Variants in DPP6 observed in about 807,000 individuals in gnomAD.
DPP6 encodes the protein dipeptidyl peptidase like 6.
A neutral mutation model predicts 122.6 loss-of-function variants in DPP6; 69 were observed. That is an observed-to-expected ratio of 0.56 (90% CI 0.46 to 0.69). The LOEUF (loss-of-function observed/expected upper bound fraction) is 0.69. Among genes scored for constraint, DPP6 ranks in the 30% least tolerant of loss-of-function variants. The pLI, the probability that DPP6 is intolerant of heterozygous loss-of-function variation, is 0.00. For missense variants in DPP6, 928 were observed against 1,116.9 expected, an observed-to-expected ratio of 0.83 and a Z score of 2.41; for synonymous variants, 418 against 433.1, an observed-to-expected ratio of 0.97 and a Z score of 0.43.
intron 20 of DPP6, among the ~76,000 whole-genome samples, chr7:154,876,537 C>T (rs1174835544): frequency 6.6e-6 from 1 of 152,190 alleles, no homozygotes. Context: ...TTACTGAGAG[C>T]AGGACCTCCA....
intron 7 of DPP6, among the ~76,000 whole-genome samples, chr7:154,710,462 C>G (rs1841111588): frequency 6.6e-6 from 1 of 152,240 alleles, no homozygotes; most frequent in Non-Finnish European, 1.5e-5. Context: ...TTTCTTCAAT[C>G]TTTCAGACAC....
chr7:153,790,389 T>C, the DPP6 span, among the ~76,000 whole-genome samples: 310 of 152,286 alleles, frequency 2.0e-3, 3 homozygotes, highest in African/African-American at 7.0e-3. Context: ...TTGTGCTATA[T>C]AATTATTAAA....
Position 154,892,541 on chromosome 7 carries a change from TC to T in DPP6, c.*64del. 1 of 1,343,864 alleles carries T rather than the reference TC, an allele frequency of 7.4e-7. No individual in the cohort carries two copies. The highest frequency in any genetic ancestry group is 1.9e-5 in the Admixed American group (1 of 52,898). The allele number at this position is 1,343,864 out of a possible 1,614,324, so 83.2% of individuals were successfully genotyped here. ...TACAACCAGATGCAACCGAGGGATT[TC>T]CCTGCCCTCCCTCTTCCCTCGGAGG... On this transcript the variant is annotated 3_prime_UTR_variant, in exon 26 of 26. Coordinates refer to ENST00000377770, the MANE Select transcript of DPP6 (RefSeq NM_130797.4).
At chr7:154,121,015 C>T (rs1294470674) in intron 1 of DPP6, among the ~76,000 whole-genome samples, 2 of 152,132 alleles carry the variant, frequency 1.3e-5, no homozygotes, top group Non-Finnish European at 2.9e-5. Context: ...GCAATGAGTT[C>T]TCAGGAGATC....
At position 154,794,207 on chromosome 7, in the gene DPP6, G is replaced by C; in HGVS notation, c.1260+5G>C. 1 of 1,604,242 alleles carries C rather than the reference G, an allele frequency of 6.2e-7. No homozygotes were observed. The highest frequency in any genetic ancestry group is 8.5e-7 in the Non-Finnish European group (1 of 1,174,462). ...ACCACGGGGGTCTGCACGAAGGTAC[G>C]CGGGGCTGTGGGGGTGGAGGGGAGA... On this transcript the variant is annotated splice_donor_5th_base_variant and intron_variant, in intron 11 of 25. Transcript: ENST00000377770.
At chr7:154,736,274 G>A (rs1469939838) in intron 8 of DPP6, among the ~76,000 whole-genome samples, 1 of 152,208 alleles carries the variant, frequency 6.6e-6, no homozygotes. Context: ...AACTGTTTCT[G>A]TAAATGGCTA....
chr7:154,587,664 G>A (rs1479252959), intron 5 of DPP6: 2 of 1,548,246 alleles, frequency 1.3e-6, no homozygotes, highest in Non-Finnish European at 1.7e-6. Context: ...AGAAAGTGAA[G>A]TCCAGGAAGT....
intron 1 of DPP6, among the ~76,000 whole-genome samples, chr7:154,030,107 G>T (rs1585201474): frequency 6.6e-6 from 1 of 152,044 alleles, no homozygotes; most frequent in Admixed American, 6.5e-5. Context: ...GCAGTGGGAG[G>T]ATCACTCCAG....
At chr7:154,266,776 G>T (rs868566032) in intron 1 of DPP6, among the ~76,000 whole-genome samples, 1 of 152,082 alleles carries the variant, frequency 6.6e-6, no homozygotes, top group Non-Finnish European at 1.5e-5. Flanking sequence ...GGACCCTGGG[G>T]GTACCCAGCA....
At position 154,627,000 on chromosome 7, in the gene DPP6, C is replaced by CTTTTTTTT. The variant is rs552919287; in HGVS notation, c.628-10797_628-10790dup. 1.1e-3 allele frequency among the ~76,000 whole-genome samples: 59 copies of CTTTTTTTT among 52,120 alleles called. 7 individuals carry two copies. The highest frequency in any genetic ancestry group is 2.3e-3 in the East Asian group (3 of 1,306). The allele number at this position is 52,120 out of a possible 152,430, so 34.2% of individuals were successfully genotyped here. A position where few individuals can be genotyped will look rare whatever the true frequency, so the allele number is the denominator to read the frequency against. The stretch of plus-strand genomic sequence containing the variant: ...ATCTGGGGTCCATTAGAAATTTTTT[C>CTTTTTTTT]TTTTTTTTTTTTTTTTTTTTTTTTT... On this transcript the variant is annotated intron_variant, in intron 5 of 25. Coordinates refer to ENST00000377770, the MANE Select transcript of DPP6 (RefSeq NM_130797.4).
At position 154,821,618 on chromosome 7, in the gene DPP6, T is replaced by TA. The variant is rs1491219054; in HGVS notation, c.1666+14506_1666+14507insA. On this transcript the variant is annotated intron_variant, in intron 16 of 25. Transcript: ENST00000377770. The surrounding 1 kb of genome is among the most constrained non-coding windows in gnomAD (Gnocchi z 4.2). ...TGTTAAGTGAATATATATATATATA[T>TA]TTTTTTTCTGTATATATATATATAT... 0.084 allele frequency among the ~76,000 whole-genome samples: 775 copies of TA among 9,238 alleles called. 7 individuals are homozygous for TA. Among genetic ancestry groups the TA allele is most frequent in the Non-Finnish European group, 0.19 (512 of 2,732 alleles). The allele number at this position is 9,238 out of a possible 152,430, so 6.1% of individuals were successfully genotyped here.
chr7:154,260,819 T>A (rs928211770), intron 1 of DPP6, among the ~76,000 whole-genome samples: 1 of 151,462 alleles, frequency 6.6e-6, no homozygotes, highest in African/African-American at 2.4e-5. Context: ...CTTTTTCATA[T>A]AATTACTTAT....
At chr7:154,805,247 C>T (rs537035285) in intron 15 of DPP6, among the ~76,000 whole-genome samples, 3 of 152,314 alleles carry the variant, frequency 2.0e-5, no homozygotes, top group Non-Finnish European at 4.4e-5. Context: ...ACCCGTCTTT[C>T]CTTTTCACTT....
intron 5 of DPP6, among the ~76,000 whole-genome samples, chr7:154,574,236 TGTG>T (rs1349794015): frequency 1.1e-4 from 15 of 138,306 alleles, no homozygotes; most frequent in South Asian, 2.4e-4. Context: ...GTGTGTGTGG[TGTG>T]GTGTGTATGT....
chr7:154,635,248 G>A (rs1032964219), intron 5 of DPP6, among the ~76,000 whole-genome samples: 1 of 152,130 alleles, frequency 6.6e-6, no homozygotes, highest in African/African-American at 2.4e-5. Flanking sequence ...TACCTAATAT[G>A]TGGTACGTGC....
At chr7:154,773,030 C>T (rs1796341384) in intron 10 of DPP6, 88 bp downstream of exon 10, 2 of 1,376,832 alleles carry the variant, frequency 1.5e-6, no homozygotes, top group East Asian at 2.7e-5. Flanking sequence ...TCAGATTTAT[C>T]TTACAACAAG....
At chr7:154,342,087 T>C (rs1007234684) in intron 1 of DPP6, among the ~76,000 whole-genome samples, 5 of 152,206 alleles carry the variant, frequency 3.3e-5, no homozygotes, top group African/African-American at 1.2e-4. Context: ...GAAAAAGATA[T>C]TGTTAATAAT....
At chr7:154,243,700 C>A (rs1801796537) in intron 1 of DPP6, among the ~76,000 whole-genome samples, 1 of 151,726 alleles carries the variant, frequency 6.6e-6, no homozygotes, top group Non-Finnish European at 1.5e-5. Context: ...GAGGCTGAGG[C>A]AGGAGAATGA....
At chr7:154,740,938 A>G (rs1263133220) in intron 8 of DPP6, among the ~76,000 whole-genome samples, 1 of 152,112 alleles carries the variant, frequency 6.6e-6, no homozygotes, top group Non-Finnish European at 1.5e-5. Flanking sequence ...TTCTTTCTAT[A>G]AAATTTGCAT....
Sources: allele counts gnomAD v4.1 joint callset (sites outside exome capture counted in the v4.1 genomes callset), GRCh38; gene constraint gnomAD v4.1.1; non-coding constraint Gnocchi (gnomAD v3.1); transcripts MANE v1.5; gene names NCBI Gene and HGNC (gene_info 2026-07-23, HGNC 2026-07-21).